ARMH1: variants seen among roughly 807,000 people sequenced by gnomAD.
The protein encoded by ARMH1 is armadillo like helical domain containing 1.
In ARMH1, 34 loss-of-function variants were observed where a neutral mutation model predicts 50.2. The observed-to-expected ratio is 0.68, with a 90% CI of 0.51 to 0.90. The LOEUF (loss-of-function observed/expected upper bound fraction) is 0.90. ARMH1 is among the 40% of genes least tolerant of loss of function. The pLI is 0.00. For synonymous variants in ARMH1, 221 were observed against 224.2 expected, an observed-to-expected ratio of 0.99 and a Z score of 0.13; for missense variants, 538 against 553.9, an observed-to-expected ratio of 0.97 and a Z score of 0.29.
chr1:44,679,752 T>TGCAGGTA (rs1645248001), intron 1 of ARMH1, among the ~76,000 whole-genome samples: 1 of 152,268 alleles, frequency 6.6e-6, no homozygotes, highest in Admixed American at 6.5e-5. Flanking sequence ...GGTAGTTTTA[T>TGCAGGTA]GGACCTGCAT....
chr1:44,712,332 C>A (rs1360439143), intron 6 of ARMH1, among the ~76,000 whole-genome samples: 2 of 152,014 alleles, frequency 1.3e-5, no homozygotes, highest in African/African-American at 4.8e-5. Flanking sequence ...GTGGCAGGAG[C>A]CTGTAATCCC....
At position 44,681,275 on chromosome 1, in the gene ARMH1, G is replaced by A. The variant is rs189390833; in HGVS notation, c.-23+6402G>A. ...CTCCCAAAGTGCTGGGATTACAAGC[G>A]TGAGCCACTGCGCCCGGCCGTGAGG... On this transcript the variant is annotated intron_variant, in intron 1 of 11. Transcript: ENST00000535358. This position sits in a 1 kb window ranked among gnomAD's most constrained non-coding sequence, Gnocchi z 4.3. Among the ~76,000 whole-genome samples, 8 of 152,110 alleles carry A rather than the reference G, an allele frequency of 5.3e-5. No individual in the cohort carries two copies. The highest frequency in any genetic ancestry group is 8.8e-5 in the Non-Finnish European group (6 of 68,030).
chr1:44,706,412 G>C (rs1439882326), intron 6 of ARMH1, among the ~76,000 whole-genome samples: 1 of 152,108 alleles, frequency 6.6e-6, no homozygotes, highest in Non-Finnish European at 1.5e-5. Context: ...GGAATGGTCT[G>C]GGCATCAGTA....
At chr1:44,701,253 C>T (rs1646069385) in intron 5 of ARMH1, 134 bp downstream of exon 5, 2 of 894,500 alleles carry the variant, frequency 2.2e-6, no homozygotes, top group African/African-American at 1.7e-5. Context: ...GTTCAATCAG[C>T]GTTACTTCCA....
chr1:44,686,810 A>T (rs1645486364), intron 1 of ARMH1, among the ~76,000 whole-genome samples: 1 of 152,028 alleles, frequency 6.6e-6, no homozygotes, highest in Non-Finnish European at 1.5e-5. Flanking sequence ...GCAAGGTGGC[A>T]TGCGCCTGTA....
At position 44,724,043 on chromosome 1, in the gene ARMH1, A is replaced by G. The variant is rs1647826756; in HGVS notation, c.725-79A>G. On this transcript the variant is annotated intron_variant, in intron 6 of 11. Transcript: ENST00000535358. This position sits in a 1 kb window ranked among gnomAD's most constrained non-coding sequence, Gnocchi z 6.4. ...AAGAGGAGGACACTGACGAGTGGCGACTTGGTTCACGGGGTTCTTTGCTTC... is the reference window on the plus strand; with the variant it reads ...AAGAGGAGGACACTGACGAGTGGCGGCTTGGTTCACGGGGTTCTTTGCTTC... 1 of 1,501,916 alleles carries G rather than the reference A, an allele frequency of 6.7e-7. No homozygotes were observed. Among genetic ancestry groups the G allele is most frequent in the African/African-American group, 1.4e-5 (1 of 71,748 alleles). 93.0% of individuals were successfully genotyped at this position (1,501,916 alleles called of 1,614,324 possible).
At chr1:44,704,065 T>G (rs938243371) in intron 5 of ARMH1, 24 bp from the exon 6 acceptor site, 11 of 1,536,600 alleles carry the variant, frequency 7.2e-6, no homozygotes, top group Admixed American at 2.0e-5. Context: ...ACTAACCACC[T>G]TGTCCTGTTG....
At chr1:44,700,740 C>A (rs907552734) in intron 4 of ARMH1, among the ~76,000 whole-genome samples, 183 bp from the exon 5 acceptor site, 14 of 151,944 alleles carry the variant, frequency 9.2e-5, no homozygotes, top group African/African-American at 3.4e-4. Context: ...AAATAAAATC[C>A]TCCAGCCACA....
intron 6 of ARMH1, chr1:44,721,829 AT>A (rs1247262449): frequency 1.3e-5 from 2 of 152,088 alleles, no homozygotes; most frequent in African/African-American, 4.8e-5. Context: ...CCATAAACTC[AT>A]AGTTGTTTTT....
chr1:44,709,286 T>G (rs1255202452), intron 6 of ARMH1, among the ~76,000 whole-genome samples: 2 of 152,242 alleles, frequency 1.3e-5, no homozygotes, highest in East Asian at 1.9e-4. Context: ...CTCTGTATAC[T>G]TTTTCCCTAA....
At chr1:44,709,542 T>G (rs147787823) in intron 6 of ARMH1, among the ~76,000 whole-genome samples, 14,264 of 151,814 alleles carry the variant, frequency 0.094, 885 homozygotes, top group Middle Eastern at 0.22. Context: ...CGTAGTGGCA[T>G]GCGCCTGTAG....
rs1464402109 is a variant in ARMH1 at position 44,724,355 on chromosome 1, A to G, written c.883A>G (p.Met295Val). 1 of 1,551,342 alleles carries G rather than the reference A, an allele frequency of 6.4e-7. No homozygotes were observed. The highest frequency in any genetic ancestry group is 1.2e-5 in the South Asian group (1 of 84,044). Residue 295 changes from methionine to valine, a missense_variant, in exon 8 of 12, where the codon ATG becomes GTG. Physicochemically the swap from Met to Val is conservative, Grantham distance 21 (BLOSUM62 1). Coordinates refer to ENST00000535358, the MANE Select transcript of ARMH1 (RefSeq NM_001145636.2). This position sits in a 1 kb window ranked among gnomAD's most constrained non-coding sequence, Gnocchi z 6.4. Reference protein sequence around the residue: ...SVLQLTPSLPMFLQQAAAAKA... With the variant: ...SVLQLTPSLPVFLQQAAAAKA... ...TCTCCAGCTCACCCCCAGCCTGCCG[A>G]TGTTTTTGCAGCAGGCCGCGGCCGC...
At chr1:44,722,903 C>A (rs1003948776) in intron 6 of ARMH1, among the ~76,000 whole-genome samples, 302 of 85,652 alleles carry the variant, frequency 3.5e-3, no homozygotes, top group East Asian at 3.8e-3. Flanking sequence ...ACTAAAAATA[C>A]AAAAAAAAAA....
intron 6 of ARMH1, among the ~76,000 whole-genome samples, chr1:44,721,621 T>C (rs139281221): frequency 7.2e-4 from 109 of 152,158 alleles, no homozygotes; most frequent in African/African-American, 2.5e-3. Context: ...TAGACAGGCT[T>C]ATGAGGCTGA....
intron 6 of ARMH1, among the ~76,000 whole-genome samples, chr1:44,714,587 A>AG (rs1176617027): frequency 6.8e-6 from 1 of 147,888 alleles, no homozygotes; most frequent in Non-Finnish European, 1.5e-5. Context: ...CTCCGTCTCA[A>AG]AAAAAAAAAA....
At position 44,725,331 on chromosome 1, in the gene ARMH1, C is replaced by T. The variant is rs753280865; in HGVS notation, c.1251C>T (p.Leu417=). The change falls in exon 12 of 12, where the codon CTC becomes CTT. Residue 417 remains leucine (L), a synonymous_variant. Transcript: ENST00000535358. The part of the protein sequence containing the change: ...LHGSSYSMNT[L]YGSRDSAQMA... ...GCAGCTCCTACAGCATGAACACTCT[C>T]TATGGCTCGCGCGATTCGGCTCAGA... 1.3e-6 allele frequency: 2 copies of T among 1,551,762 alleles called. No individual in the cohort carries two copies. Among genetic ancestry groups the T allele is most frequent in the Non-Finnish European group, 8.7e-7 (1 of 1,147,014 alleles).
At chr1:44,719,025 G>GAAAAA (rs35822364) in intron 6 of ARMH1, among the ~76,000 whole-genome samples, 3 of 78,632 alleles carry the variant, frequency 3.8e-5, no homozygotes, top group African/African-American at 1.0e-4. Flanking sequence ...AACTGTCTCG[G>GAAAAA]AAAAAAAAAA....
At chr1:44,688,334 A>C (rs1337723967) in intron 1 of ARMH1, 1 of 152,274 alleles carries the variant, frequency 6.6e-6, no homozygotes, top group Non-Finnish European at 1.5e-5. Context: ...GTGTGTATGT[A>C]TGTCTGTCTC....
chr1:44,716,420 C>A (rs1646853613), intron 6 of ARMH1, among the ~76,000 whole-genome samples: 1 of 152,200 alleles, frequency 6.6e-6, no homozygotes, highest in South Asian at 2.1e-4. Flanking sequence ...AGTGACCTCT[C>A]TATAGCTCTA....
Sources: gnomAD v4.1 joint callset for allele counts (sites outside exome capture counted in the v4.1 genomes callset) on GRCh38, gnomAD v4.1.1 for gene constraint, Gnocchi (gnomAD v3.1) non-coding constraint, MANE v1.5 for transcripts, NCBI Gene and HGNC (gene_info 2026-07-23, HGNC 2026-07-21) for gene names.